SH3GL2: variants seen among roughly 807,000 people sequenced by gnomAD.
SH3GL2 encodes the protein endophilin-A1.
In SH3GL2, 24 loss-of-function variants were observed where a neutral mutation model predicts 46.0. The observed-to-expected ratio is 0.52, with a 90% CI of 0.38 to 0.73. SH3GL2 has a LOEUF of 0.73. Among genes scored for constraint, SH3GL2 ranks in the 30% least tolerant of loss-of-function variants. The pLI is 0.00. For synonymous variants in SH3GL2, 196 were observed against 147.1 expected (o/e 1.33, Z -2.40); for missense variants, 413 against 424.2 (o/e 0.97, Z 0.23).
At chr9:17,676,354 C>G (rs551453447) in intron 1 of SH3GL2, among the ~76,000 whole-genome samples, 89 of 152,146 alleles carry the variant, frequency 5.8e-4, no homozygotes, top group African/African-American at 2.1e-3. Flanking sequence ...GCATGTAATC[C>G]CAGCACTTTG....
intron 1 of SH3GL2, among the ~76,000 whole-genome samples, chr9:17,736,623 A>T (rs1190807823): frequency 6.6e-6 from 1 of 152,168 alleles, no homozygotes; most frequent in African/African-American, 2.4e-5. Flanking sequence ...GTGACATAAA[A>T]TGCTATATGG....
chr9:17,638,185 A>G (rs1588195352), intron 1 of SH3GL2, among the ~76,000 whole-genome samples: 1 of 151,820 alleles, frequency 6.6e-6, no homozygotes, highest in Non-Finnish European at 1.5e-5. Flanking sequence ...CAAAAAAACC[A>G]CTGATTTCAT....
At chr9:17,719,052 G>A (rs914990088) in intron 1 of SH3GL2, among the ~76,000 whole-genome samples, 1 of 152,140 alleles carries the variant, frequency 6.6e-6, no homozygotes, top group African/African-American at 2.4e-5. Flanking sequence ...AGTGTGACCT[G>A]TCTGGTTTAG....
intron 3 of SH3GL2, among the ~76,000 whole-genome samples, chr9:17,777,642 A>G (rs1823679215): frequency 6.7e-6 from 1 of 148,966 alleles, no homozygotes; most frequent in Non-Finnish European, 1.5e-5. Flanking sequence ...TGGTAGTTAG[A>G]CGCCTTCTCA....
intron 1 of SH3GL2, among the ~76,000 whole-genome samples, chr9:17,579,697 G>A (rs1818240772): frequency 6.6e-6 from 1 of 152,164 alleles, no homozygotes; most frequent in African/African-American, 2.4e-5. Context: ...CGGCTTTCCC[G>A]GGATGTGTTG....
intron 1 of SH3GL2, among the ~76,000 whole-genome samples, chr9:17,737,624 G>A (rs1316326055): frequency 6.6e-6 from 1 of 152,026 alleles, no homozygotes; most frequent in Non-Finnish European, 1.5e-5. Flanking sequence ...TACTCATTAG[G>A]GAAACTTCTT....
At chr9:17,632,691 G>T (rs1048127099) in intron 1 of SH3GL2, among the ~76,000 whole-genome samples, 15 of 152,074 alleles carry the variant, frequency 9.9e-5, no homozygotes, top group African/African-American at 3.4e-4. Flanking sequence ...TTTTATACTT[G>T]TAGAAATAGT....
At chr9:17,787,349 T>G in intron 4 of SH3GL2, 31 bp from the exon 5 acceptor site, 1 of 1,596,654 alleles carries the variant, frequency 6.3e-7, no homozygotes, top group East Asian at 2.2e-5. Flanking sequence ...ATCTTTATTC[T>G]GTAACATGAA....
At chr9:17,641,858 G>C (rs528823599) in intron 1 of SH3GL2, among the ~76,000 whole-genome samples, 5 of 152,124 alleles carry the variant, frequency 3.3e-5, no homozygotes, top group Non-Finnish European at 7.3e-5. Context: ...CATTTGGGTT[G>C]GTTCCAAGTC....
chr9:17,666,715 G>T (rs1016602126), intron 1 of SH3GL2, among the ~76,000 whole-genome samples: 1 of 151,974 alleles, frequency 6.6e-6, no homozygotes, highest in African/African-American at 2.4e-5. Flanking sequence ...CACTGTAGTG[G>T]ATAACCTAGT....
At chr9:17,794,787 T>C (rs928239740) in intron 8 of SH3GL2, among the ~76,000 whole-genome samples, 17 of 152,200 alleles carry the variant, frequency 1.1e-4, no homozygotes, top group African/African-American at 4.1e-4. Flanking sequence ...TTGTATGCCA[T>C]AGCTCCAGTG....
At chr9:17,749,604 G>A (rs965610761) in intron 2 of SH3GL2, among the ~76,000 whole-genome samples, 1 of 152,174 alleles carries the variant, frequency 6.6e-6, no homozygotes, top group African/African-American at 2.4e-5. Context: ...AAGGGAATAA[G>A]CTAGGCAGCT....
chr9:17,748,215 G>A (rs564599512), intron 2 of SH3GL2, among the ~76,000 whole-genome samples: 2 of 152,260 alleles, frequency 1.3e-5, no homozygotes, highest in South Asian at 4.2e-4. Context: ...TTAGGCTTAT[G>A]ATTAAAAGTG....
chr9:17,624,774 G>T (rs1819242562), intron 1 of SH3GL2, among the ~76,000 whole-genome samples: 1 of 152,118 alleles, frequency 6.6e-6, no homozygotes, highest in South Asian at 2.1e-4. Flanking sequence ...TTCCTTTGAG[G>T]ATCCCAGATT....
At chr9:17,620,537 C>T (rs977427517) in intron 1 of SH3GL2, among the ~76,000 whole-genome samples, 6 of 152,124 alleles carry the variant, frequency 3.9e-5, no homozygotes, top group African/African-American at 1.4e-4. Flanking sequence ...CTAACCAAGG[C>T]AAACCACTGA....
At chr9:17,591,766 G>C (rs1171071996) in intron 1 of SH3GL2, among the ~76,000 whole-genome samples, 1 of 152,214 alleles carries the variant, frequency 6.6e-6, no homozygotes, top group African/African-American at 2.4e-5. Flanking sequence ...ACATTGCTAA[G>C]CTCATAGTGT....
chr9:17,617,674 C>G (rs1819035889), intron 1 of SH3GL2, among the ~76,000 whole-genome samples: 2 of 152,148 alleles, frequency 1.3e-5, no homozygotes, highest in Non-Finnish European at 2.9e-5. Flanking sequence ...TGATTACTAC[C>G]TGTCTCACCA....
chr9:17,718,870 A>G (rs1821824989), intron 1 of SH3GL2, among the ~76,000 whole-genome samples: 1 of 152,104 alleles, frequency 6.6e-6, no homozygotes, highest in African/African-American at 2.4e-5. Flanking sequence ...ACACTGGTGG[A>G]GGGAGTGACC....
intron 1 of SH3GL2, among the ~76,000 whole-genome samples, chr9:17,592,183 G>A (rs1327404520): frequency 3.3e-5 from 5 of 152,212 alleles, no homozygotes; most frequent in Admixed American, 1.3e-4. Context: ...GAATTCTGAT[G>A]TCCAAGGGCA....
Sources: gnomAD v4.1 joint callset for allele counts (sites outside exome capture counted in the v4.1 genomes callset) on GRCh38, gnomAD v4.1.1 for gene constraint, MANE v1.5 for transcripts, NCBI Gene and HGNC (gene_info 2026-07-23, HGNC 2026-07-21) for gene names.